The following PCDH11X variants were observed in gnomAD, a reference collection of about 807,000 sequenced individuals.
PCDH11X encodes protocadherin 11 X-linked.
Under a neutral mutation model 53.3 loss-of-function variants are expected in PCDH11X, and 18 were observed. The observed-to-expected ratio is 0.34, with a 90% CI of 0.23 to 0.50. PCDH11X has a LOEUF of 0.50. PCDH11X is among the 20% of genes least tolerant of loss of function. The pLI, the probability that PCDH11X is intolerant of heterozygous loss-of-function variation, is 0.98. For synonymous variants in PCDH11X, 279 were observed against 393.3 expected (o/e 0.71, Z 3.44); for missense variants, 570 against 1,032.4 (o/e 0.55, Z 6.14).
intron 4 of PCDH11X, among the ~76,000 whole-genome samples, chrX:91,824,987 G>T (rs375024209): frequency 9.1e-6 from 1 of 110,084 alleles, no homozygotes; most frequent in African/African-American, 3.4e-5. Flanking sequence ...TAGGCTGCTC[G>T]GGGGTCAGGG....
intron 8 of PCDH11X, among the ~76,000 whole-genome samples, chrX:92,362,986 CTCTAA>C (rs1012212638): frequency 1.0e-4 from 11 of 109,092 alleles, no homozygotes. Context: ...ATTTTAGGTT[CTCTAA>C]TCTATTTTTT....
intron 6 of PCDH11X, among the ~76,000 whole-genome samples, chrX:92,054,214 T>A (rs1436629838): frequency 1.8e-5 from 2 of 111,781 alleles, no homozygotes; most frequent in Non-Finnish European, 3.8e-5. Context: ...GGCTTAAGTT[T>A]ATCTCTTTAT....
At chrX:91,824,435 T>G (rs1035569517) in intron 4 of PCDH11X, among the ~76,000 whole-genome samples, 2 of 111,060 alleles carry the variant, frequency 1.8e-5, no homozygotes, top group African/African-American at 6.6e-5. Flanking sequence ...TCATCTTCCA[T>G]CGCTGATACC....
intron 7 of PCDH11X, among the ~76,000 whole-genome samples, chrX:92,222,304 G>A (rs5942185): frequency 1.8e-5 from 2 of 110,541 alleles, no homozygotes; most frequent in East Asian, 2.8e-4. Flanking sequence ...TAAAAATGTC[G>A]GATTGCCCTA....
chrX:92,113,507 G>A (rs748071053), intron 6 of PCDH11X: 93 of 1,199,598 alleles, frequency 7.8e-5, no homozygotes, highest in Admixed American at 7.1e-4. Flanking sequence ...GAGCCAGAAC[G>A]AAACTCCCTC....
At chrX:92,423,108 C>G (rs1208415400) in intron 9 of PCDH11X, among the ~76,000 whole-genome samples, 2 of 98,949 alleles carry the variant, frequency 2.0e-5, no homozygotes, top group South Asian at 8.6e-4. Context: ...CCTCAGCCTC[C>G]CAAAGTGCTG....
intron 6 of PCDH11X, among the ~76,000 whole-genome samples, chrX:91,970,874 G>A (rs1422000494): frequency 1.8e-5 from 2 of 111,747 alleles, no homozygotes; most frequent in East Asian, 5.6e-4. Context: ...GACCTCATAA[G>A]CTTTCAATGA....
chrX:92,161,487 A>G (rs1396207875), intron 6 of PCDH11X, among the ~76,000 whole-genome samples: 2 of 110,634 alleles, frequency 1.8e-5, no homozygotes, highest in Non-Finnish European at 3.8e-5. Flanking sequence ...CATGATGACA[A>G]TGTGCCTAGA....
chrX:92,306,504 AAAAAG>A (rs1337190944), intron 8 of PCDH11X, among the ~76,000 whole-genome samples: 6 of 110,201 alleles, frequency 5.4e-5, no homozygotes, highest in African/African-American at 1.3e-4. Context: ...TATGAAGAAA[AAAAAG>A]AAAAGACTAA....
At chrX:92,169,341 T>C (rs2065785439) in intron 6 of PCDH11X, among the ~76,000 whole-genome samples, 1 of 46,704 alleles carries the variant, frequency 2.1e-5, no homozygotes, top group African/African-American at 6.0e-5. Flanking sequence ...AAAATCATAT[T>C]TGAGCTAAGA....
intron 4 of PCDH11X, among the ~76,000 whole-genome samples, chrX:91,814,200 T>G (rs1936382383): frequency 9.0e-6 from 1 of 110,802 alleles, no homozygotes; most frequent in Admixed American, 9.7e-5. Flanking sequence ...CTTTAAAAAT[T>G]TAAATATTAA....
chrX:92,403,339 G>GTTTTTTTT (rs1191277649), intron 9 of PCDH11X, among the ~76,000 whole-genome samples: 23 of 49,351 alleles, frequency 4.7e-4, no homozygotes, highest in African/African-American at 5.9e-4. Context: ...GTTTTTTTTT[G>GTTTTTTTT]TTTTTTTTTT....
intron 7 of PCDH11X, among the ~76,000 whole-genome samples, chrX:92,238,934 AT>A (rs1393023056): frequency 1.8e-5 from 2 of 111,167 alleles, no homozygotes; most frequent in African/African-American, 6.5e-5. Context: ...AAAAGAGTCA[AT>A]TTATTTTTCA....
At chrX:92,056,555 T>C (rs2063453185) in intron 6 of PCDH11X, among the ~76,000 whole-genome samples, 1 of 111,285 alleles carries the variant, frequency 9.0e-6, no homozygotes, top group Admixed American at 9.6e-5. Flanking sequence ...AGTTGTCATT[T>C]TTTGCTTTTG....
At chrX:92,401,592 A>T (rs2071388366) in intron 9 of PCDH11X, among the ~76,000 whole-genome samples, 1 of 112,140 alleles carries the variant, frequency 8.9e-6, no homozygotes. Flanking sequence ...GCCACCTTTT[A>T]TTAAAAAATT....
chrX:92,614,186 A>G (rs1296735426), intron 10 of PCDH11X, among the ~76,000 whole-genome samples: 3 of 110,660 alleles, frequency 2.7e-5, no homozygotes, highest in Admixed American at 9.7e-5. Flanking sequence ...CTGCAATTCT[A>G]TGGTGATGTC....
At chrX:91,945,222 A>C (rs1484798116) in intron 6 of PCDH11X, among the ~76,000 whole-genome samples, 3 of 103,301 alleles carry the variant, frequency 2.9e-5, no homozygotes, top group Admixed American at 2.2e-4. Context: ...AAAATGACTA[A>C]TTTTATTTCA....
intron 10 of PCDH11X, among the ~76,000 whole-genome samples, chrX:92,501,883 A>AC: frequency 9.0e-6 from 1 of 111,151 alleles, no homozygotes. Context: ...ATCAGGCAAG[A>AC]GAAAGAGATA....
At chrX:92,258,916 T>C (rs1419400515) in intron 7 of PCDH11X, among the ~76,000 whole-genome samples, 4 of 111,429 alleles carry the variant, frequency 3.6e-5, no homozygotes, top group Non-Finnish European at 7.5e-5. Flanking sequence ...CCCTAAATCA[T>C]CACTCTCAAA....
Sources: allele counts gnomAD v4.1 joint callset (sites outside exome capture counted in the v4.1 genomes callset), GRCh38; gene constraint gnomAD v4.1.1; transcripts MANE v1.5; gene names NCBI Gene and HGNC (gene_info 2026-07-23, HGNC 2026-07-21).